The following TIGIT variants were observed in gnomAD, a reference collection of about 807,000 sequenced individuals.
TIGIT encodes T cell immunoreceptor with Ig and ITIM domains, also known as T-cell immunoreceptor with Ig and ITIM domains.
TIGIT carries 11 observed loss-of-function variants against 19.6 expected under a neutral mutation model. The ratio of observed to expected loss-of-function variants is 0.56; its 90% CI spans 0.35 to 0.93. The LOEUF is 0.93. TIGIT is among the 40% of genes least tolerant of loss of function. The pLI is 0.01. For synonymous variants in TIGIT, 130 were observed against 125.5 expected (o/e 1.04, Z -0.24); for missense variants, 295 against 303.9 (o/e 0.97, Z 0.22).
At chr3:114,303,540 CACATATAT>C in intron 3 of TIGIT, among the ~76,000 whole-genome samples, 1 of 8,576 alleles carries the variant, frequency 1.2e-4, no homozygotes, top group Admixed American at 2.1e-3. Flanking sequence ...TATATATATA[CACATATAT>C]ATGTATATAT....
chr3:114,294,353 T>C (rs942631247), intron 1 of TIGIT, among the ~76,000 whole-genome samples: 9 of 152,060 alleles, frequency 5.9e-5, no homozygotes, highest in African/African-American at 1.2e-4. Flanking sequence ...ACTTCCGGGG[T>C]TGGAGGAGCC....
In TIGIT at chr3:114,299,651, C is replaced by A; in HGVS notation, c.446C>A (p.Thr149Lys). 1 of 1,613,406 alleles carries A rather than the reference C, an allele frequency of 6.2e-7. No individual in the cohort carries two copies. Among genetic ancestry groups the A allele is most frequent in the South Asian group, 1.1e-5 (1 of 91,080 alleles). Residue 149 changes from threonine (T) to lysine (K), a missense_variant, in exon 3 of 4, where the codon ACG (threonine) becomes AAG (lysine). Transcript: ENST00000383671. ...QIPLLGAMAA[T>K]LVVICTAVIV... ...CCATTGCTTGGAGCCATGGCCGCGA[C>A]GCTGGTGGTCATCTGCACAGCAGTC...
At chr3:114,306,790 T>C (rs973632239) in intron 3 of TIGIT, among the ~76,000 whole-genome samples, 4 of 152,100 alleles carry the variant, frequency 2.6e-5, no homozygotes, top group African/African-American at 9.7e-5. Flanking sequence ...GATTTTCTTC[T>C]TGGGCAAAAT....
chr3:114,298,019 G>A (rs2078466427), intron 2 of TIGIT, among the ~76,000 whole-genome samples: 1 of 152,156 alleles, frequency 6.6e-6, no homozygotes, highest in Non-Finnish European at 1.5e-5. Flanking sequence ...TCAAACCTTA[G>A]TCCAAGTCCC....
rs1360039945 is a variant in TIGIT at position 114,294,071 on chromosome 3, T to G, written c.10T>G (p.Cys4Gly). 6.4e-7 allele frequency: 1 copy of G among 1,553,010 alleles called. No individual in the cohort carries two copies. Among genetic ancestry groups the G allele is most frequent in the South Asian group, 1.2e-5 (1 of 84,156 alleles). Reference protein sequence around the residue: MRWCLLLIWAQGLR... With the variant: MRWGLLLIWAQGLR... The stretch of plus-strand genomic sequence containing the variant: ...CCCTCTGGGCAGAAGCATGCGCTGG[T>G]GTCTCCTCCTGATCTGGGCCCAGGG... The change falls in exon 1 of 4, where the codon TGT becomes GGT. Residue 4 changes from cysteine to glycine, a missense_variant. Cys to Gly is a radical substitution (Grantham distance 159). Transcript: ENST00000383671.
At chr3:114,296,046 C>A in intron 2 of TIGIT, 172 bp downstream of exon 2, 1 of 595,250 alleles carries the variant, frequency 1.7e-6, no homozygotes, top group East Asian at 2.8e-5. Context: ...CAATCAGAAT[C>A]CCTAATAGCA....
chr3:114,297,143 G>A (rs1316978754), intron 2 of TIGIT, among the ~76,000 whole-genome samples: 3 of 152,014 alleles, frequency 2.0e-5, no homozygotes, highest in East Asian at 1.9e-4. Flanking sequence ...TGATCTGCCC[G>A]CCTCAGCCTC....
intron 3 of TIGIT, among the ~76,000 whole-genome samples, chr3:114,304,027 A>T (rs892274774): frequency 6.6e-6 from 1 of 151,734 alleles, no homozygotes; most frequent in African/African-American, 2.4e-5. Context: ...GCATTTTTTC[A>T]TATGTTTGTT....
Position 114,295,564 on chromosome 3 carries a change from A to G in TIGIT, c.81A>G (p.Ile27Met), listed in dbSNP as rs768453703. ...CCCTAGGAATGATGACAGGCACAAT[A>G]GAAACAACGGGGAACATTTCTGCAG... is the stretch of plus-strand genomic sequence containing the variant. ...PLASGMMTGTIETTGNISAEK... is the reference protein window; with the variant it reads ...PLASGMMTGTMETTGNISAEK... The change falls in exon 2 of 4, where the codon ATA (isoleucine) becomes ATG (methionine). Residue 27 changes from isoleucine to methionine, a missense_variant. Physicochemically the swap from Ile to Met is conservative, Grantham distance 10. Coordinates refer to ENST00000383671, the MANE Select transcript of TIGIT (RefSeq NM_173799.4). The G allele has an allele frequency of 4.3e-6, 7 of 1,613,806 alleles. No homozygotes were observed. The South Asian group carries it at 5.5e-5, about 13-fold the overall frequency.
Position 114,294,065 on chromosome 3 carries a change from C to T in TIGIT, c.4C>T (p.Arg2Cys), listed in dbSNP as rs977245811. The change falls in exon 1 of 4, where the codon CGC becomes TGC. Residue 2 changes from arginine to cysteine, a missense_variant. By Grantham distance (180) the Arg-to-Cys change is radical. Transcript: ENST00000383671. M[R>C]WCLLLIWAQG... is the part of the protein sequence containing the mutation. ...TGTAGGCCCTCTGGGCAGAAGCATG[C>T]GCTGGTGTCTCCTCCTGATCTGGGC... The T allele has an allele frequency of 6.1e-5, 95 of 1,552,404 alleles. No individual in the cohort carries two copies. Among genetic ancestry groups the T allele is most frequent in the Admixed American group, 2.4e-4 (12 of 51,012 alleles).
Position 114,308,179 on chromosome 3 carries a change from A to C in TIGIT, c.*48A>C. On this transcript the variant is annotated 3_prime_UTR_variant, in exon 4 of 4. Coordinates refer to ENST00000383671, the MANE Select transcript of TIGIT (RefSeq NM_173799.4). ...GATACACTTTTGTCTTTGCTATTAT[A>C]GATGAATATATAAGCAGCTGTACTC... 1 of 1,486,198 alleles carries C rather than the reference A, an allele frequency of 6.7e-7. No individual in the cohort carries two copies. The highest frequency in any genetic ancestry group is 1.4e-5 in the African/African-American group (1 of 72,404). The allele number at this position is 1,486,198 out of a possible 1,614,324, so 92.1% of individuals were successfully genotyped here.
rs1031270655 is a variant in TIGIT at position 114,308,504 on chromosome 3, G to T, written c.*373G>T. 13 of 188,088 alleles carry T rather than the reference G, an allele frequency of 6.9e-5. No homozygotes were observed. The highest frequency in any genetic ancestry group is 6.9e-4 in the Admixed American group (12 of 17,468). The allele number at this position is 188,088 out of a possible 1,614,324, so 11.7% of individuals were successfully genotyped here. On this transcript the variant is annotated 3_prime_UTR_variant, in exon 4 of 4. Coordinates refer to ENST00000383671, the MANE Select transcript of TIGIT (RefSeq NM_173799.4). ...TTGTGGTTGATGATGAGGATGGCAT[G>T]ACTGCAGAGCCATCCTCATCTCATT...
intron 1 of TIGIT, among the ~76,000 whole-genome samples, chr3:114,294,607 A>T (rs998941190): frequency 1.3e-5 from 2 of 152,222 alleles, no homozygotes; most frequent in Non-Finnish European, 2.9e-5. Flanking sequence ...TCAGAGTCAA[A>T]TATTTCTGAG....
chr3:114,305,369 G>A (rs1450853968), intron 3 of TIGIT, among the ~76,000 whole-genome samples: 1 of 152,194 alleles, frequency 6.6e-6, no homozygotes, highest in East Asian at 1.9e-4. Context: ...AACTGTTTTA[G>A]ATCAGGTCCC....
Position 114,296,084 on chromosome 3 carries a change from C to T in TIGIT, c.391+210C>T, listed in dbSNP as rs560440403. 1.3e-4 allele frequency: 65 copies of T among 513,862 alleles called. No homozygotes were observed. In the South Asian group the frequency reaches 2.0e-3, roughly 16 times the overall value. 31.8% of individuals were successfully genotyped at this position (513,862 alleles called of 1,614,324 possible). ...GCTAAACAAGGGTAAGGTCTAAAAG[C>T]ATTTCCAGGTGATTCTAATGGGCAG... On this transcript the variant is annotated intron_variant, in intron 2 of 3. Transcript: ENST00000383671.
chr3:114,307,566 T>G, intron 3 of TIGIT: 1 of 238,914 alleles, frequency 4.2e-6, no homozygotes, highest in Non-Finnish European at 8.2e-6. Context: ...AAGAGAACAT[T>G]TCAGAAAGTA....
intron 3 of TIGIT, among the ~76,000 whole-genome samples, chr3:114,305,864 GGATA>G (rs747740694): frequency 0.014 from 2,040 of 145,120 alleles, 11 homozygotes; most frequent in Middle Eastern, 0.038. Flanking sequence ...ATGGATGGAT[GGATA>G]GATAGATAGA....
chr3:114,303,518 CACATATATATGTATATAT>C (rs1560033457), intron 3 of TIGIT, among the ~76,000 whole-genome samples: 3 of 4,940 alleles, frequency 6.1e-4, no homozygotes, highest in African/African-American at 1.2e-3. Context: ...TATATATATA[CACATATATATGTATATAT>C]ATACACATAT....
At position 114,308,286 on chromosome 3, in the gene TIGIT, C is replaced by T; in HGVS notation, c.*155C>T. On this transcript the variant is annotated 3_prime_UTR_variant, in exon 4 of 4. Transcript: ENST00000383671. ...GAATAAATGTCATCCTCTTCTCCAT[C>T]TTCATTTCCTTGGCCTTTTCGTTCT... 1 of 664,144 alleles carries T rather than the reference C, an allele frequency of 1.5e-6. No individual in the cohort carries two copies. The highest frequency in any genetic ancestry group is 2.6e-6 in the Non-Finnish European group (1 of 380,886). 41.1% of individuals were successfully genotyped at this position (664,144 alleles called of 1,614,324 possible).
Sources: gnomAD v4.1 joint callset for allele counts (sites outside exome capture counted in the v4.1 genomes callset) on GRCh38, gnomAD v4.1.1 for gene constraint, MANE v1.5 for transcripts, NCBI Gene and HGNC (gene_info 2026-07-23, HGNC 2026-07-21) for gene names.